TAFA1: variants seen among roughly 807,000 people sequenced by gnomAD.
TAFA1 encodes the protein TAFA chemokine like family member 1.
TAFA1 carries 4 observed loss-of-function variants against 18.5 expected under a neutral mutation model. That is an observed-to-expected ratio of 0.22 (90% confidence interval 0.11 to 0.49). The LOEUF is 0.49. TAFA1 is among the 20% of genes least tolerant of loss of function. TAFA1 has a pLI of 0.98. For synonymous variants in TAFA1, 56 were observed against 55.2 expected (o/e 1.01, Z -0.06); for missense variants, 147 against 169.0 (o/e 0.87, Z 0.72).
intron 3 of TAFA1, among the ~76,000 whole-genome samples, chr3:68,444,062 T>C (rs562285875): frequency 1.3e-5 from 2 of 152,280 alleles, no homozygotes; most frequent in South Asian, 4.1e-4. Context: ...TCCATGGCCC[T>C]GTCTCTACAG....
rs114112096 is a variant in TAFA1, at chr3:68,468,734, T to C, written c.259+51314T>C. 3.6e-3 allele frequency among the ~76,000 whole-genome samples: 541 copies of C among 152,238 alleles called. 4 individuals carry two copies. Among genetic ancestry groups the C allele is most frequent in the African/African-American group, 0.012 (496 of 41,536 alleles). Reference sequence around the variant, plus strand: ...CCCCATTACTATCAATAGTTGAGAGTTGGAAATATTGTTGAGATTTTTGAG... The same window carrying C: ...CCCCATTACTATCAATAGTTGAGAGCTGGAAATATTGTTGAGATTTTTGAG... On this transcript the variant is annotated intron_variant, in intron 3 of 4. Coordinates refer to ENST00000478136, the MANE Select transcript of TAFA1 (RefSeq NM_213609.4).
chr3:68,302,810 C>T (rs1450530011), intron 2 of TAFA1, among the ~76,000 whole-genome samples: 1 of 152,116 alleles, frequency 6.6e-6, no homozygotes, highest in Non-Finnish European at 1.5e-5. Flanking sequence ...AAATCATTTT[C>T]CCTAAGCCTC....
intron 2 of TAFA1, among the ~76,000 whole-genome samples, chr3:68,341,577 G>A (rs1009748938): frequency 7.3e-5 from 11 of 151,604 alleles, no homozygotes; most frequent in African/African-American, 2.4e-4. Context: ...AGGAAAGAAG[G>A]GTGTTTTTTT....
intron 3 of TAFA1, among the ~76,000 whole-genome samples, chr3:68,445,888 G>GT (rs1387845163): frequency 2.6e-5 from 4 of 152,000 alleles, no homozygotes; most frequent in Non-Finnish European, 4.4e-5. Context: ...TGTTGTTGTT[G>GT]TTGTTTGTTT....
In TAFA1 at chr3:68,031,024, A is replaced by T. The variant is rs192652303; in HGVS notation, c.118+24280A>T. On this transcript the variant is annotated intron_variant, in intron 2 of 4. Transcript: ENST00000478136. ...AAGAAATATCATGGATTTTGAGATG[A>T]TCAAGCTTCTAAAATATGTTGCTAC... Among the ~76,000 whole-genome samples, 7 of 152,304 alleles carry T rather than the reference A, an allele frequency of 4.6e-5. No individual in the cohort carries two copies. The East Asian group carries it at 1.2e-3, about 25-fold the overall frequency.
chr3:68,267,876 G>A (rs941056433), intron 2 of TAFA1, among the ~76,000 whole-genome samples: 1 of 152,012 alleles, frequency 6.6e-6, no homozygotes, highest in Non-Finnish European at 1.5e-5. Flanking sequence ...ACTCGCACAC[G>A]ATAAATCTCT....
chr3:68,510,526 A>G (rs1912851), intron 3 of TAFA1, among the ~76,000 whole-genome samples: 28,135 of 152,124 alleles, frequency 0.18, 2,793 homozygotes, highest in Middle Eastern at 0.23. Context: ...ACAGTATCAC[A>G]TTTCCCAGTT....
intron 2 of TAFA1, among the ~76,000 whole-genome samples, chr3:68,025,314 C>T (rs780369976): frequency 6.6e-6 from 1 of 152,130 alleles, no homozygotes; most frequent in Non-Finnish European, 1.5e-5. Context: ...CTTCCCACCA[C>T]CTCTATTGCT....
intron 2 of TAFA1, among the ~76,000 whole-genome samples, chr3:68,179,694 T>A (rs1201185083): frequency 6.6e-6 from 1 of 152,190 alleles, no homozygotes; most frequent in Non-Finnish European, 1.5e-5. Flanking sequence ...ATCTGCCTCT[T>A]CTTGATGTAA....
chr3:68,322,724 C>T (rs1486655016), intron 2 of TAFA1, among the ~76,000 whole-genome samples: 1 of 152,136 alleles, frequency 6.6e-6, no homozygotes, highest in Non-Finnish European at 1.5e-5. Flanking sequence ...AGGTGGATTA[C>T]TTGAGCTCAG....
intron 3 of TAFA1, among the ~76,000 whole-genome samples, chr3:68,466,634 T>G (rs1474792473): frequency 1.3e-5 from 2 of 152,160 alleles, no homozygotes; most frequent in East Asian, 1.9e-4. Context: ...AATGTTGAAC[T>G]GCTTATATCC....
chr3:68,304,544 T>C (rs1330750539), intron 2 of TAFA1, among the ~76,000 whole-genome samples: 1 of 152,194 alleles, frequency 6.6e-6, no homozygotes, highest in Non-Finnish European at 1.5e-5. Flanking sequence ...AGATGTTATT[T>C]TATTCCTGGA....
chr3:68,108,168 A>G (rs1415698930), intron 2 of TAFA1, among the ~76,000 whole-genome samples: 1 of 152,126 alleles, frequency 6.6e-6, no homozygotes, highest in Non-Finnish European at 1.5e-5. Flanking sequence ...GATGTGTCAA[A>G]TGGTATATAA....
At chr3:68,246,584 C>G (rs1406795937) in intron 2 of TAFA1, among the ~76,000 whole-genome samples, 1 of 42,270 alleles carries the variant, frequency 2.4e-5, no homozygotes, top group African/African-American at 1.1e-4. Flanking sequence ...AGCGGGACTC[C>G]GTCTCAAAAA....
At chr3:68,043,590 C>G (rs72920709) in intron 2 of TAFA1, among the ~76,000 whole-genome samples, 4,898 of 152,296 alleles carry the variant, frequency 0.032, 257 homozygotes, top group African/African-American at 0.11. Flanking sequence ...TTCTTTTTCT[C>G]TGGCATCTAA....
intron 2 of TAFA1, among the ~76,000 whole-genome samples, chr3:68,401,521 C>T (rs1575836156): frequency 6.6e-6 from 1 of 152,302 alleles, no homozygotes; most frequent in East Asian, 1.9e-4. Context: ...CACCTCTCTA[C>T]TCAGTGTCCC....
chr3:68,010,888 A>C (rs1704457275), intron 2 of TAFA1, among the ~76,000 whole-genome samples: 1 of 152,174 alleles, frequency 6.6e-6, no homozygotes, highest in African/African-American at 2.4e-5. Flanking sequence ...CAGGACATTT[A>C]GTTGTAAAAA....
intron 2 of TAFA1, among the ~76,000 whole-genome samples, chr3:68,009,533 A>G (rs1704429678): frequency 6.6e-6 from 1 of 152,220 alleles, no homozygotes; most frequent in South Asian, 2.1e-4. Flanking sequence ...GTGCTAATAC[A>G]TCTGAGACCC....
chr3:68,319,123 G>A (rs541895901), intron 2 of TAFA1, among the ~76,000 whole-genome samples: 2 of 152,250 alleles, frequency 1.3e-5, no homozygotes, highest in South Asian at 4.2e-4. Flanking sequence ...GGACATAAAA[G>A]AGATAGTTAT....
Sources: gnomAD v4.1 joint callset for allele counts (sites outside exome capture counted in the v4.1 genomes callset) on GRCh38, gnomAD v4.1.1 for gene constraint, MANE v1.5 for transcripts, NCBI Gene and HGNC (gene_info 2026-07-23, HGNC 2026-07-21) for gene names.